The following MTUS1 variants were observed in gnomAD, a reference collection of about 807,000 sequenced individuals.
MTUS1 encodes the protein microtubule-associated tumor suppressor 1.
A neutral mutation model predicts 120.8 loss-of-function variants in MTUS1; 109 were observed. That is an observed-to-expected ratio of 0.90 (90% CI 0.77 to 1.06). MTUS1 has a LOEUF of 1.06. Among genes scored for constraint, MTUS1 ranks in the 50% least tolerant of loss-of-function variants. MTUS1 has a pLI of 0.00. For missense variants in MTUS1, 2,210 were observed against 1,486.3 expected, an observed-to-expected ratio of 1.49 and a Z score of -8.01; for synonymous variants, 737 against 550.5, an observed-to-expected ratio of 1.34 and a Z score of -4.74.
chr8:17,680,734 G>C (rs1358413108), intron 7 of MTUS1, among the ~76,000 whole-genome samples: 2 of 152,032 alleles, frequency 1.3e-5, no homozygotes, highest in Non-Finnish European at 2.9e-5. Context: ...TGTGTTTAGA[G>C]GCCAGGTTGC....
intron 6 of MTUS1, among the ~76,000 whole-genome samples, chr8:17,704,364 G>C (rs1200022589): frequency 6.6e-6 from 1 of 152,104 alleles, no homozygotes; most frequent in Non-Finnish European, 1.5e-5. Context: ...ATGACATGAA[G>C]TTTTGCCCCA....
intron 7 of MTUS1, among the ~76,000 whole-genome samples, chr8:17,680,151 A>C (rs563075693): frequency 6.6e-6 from 1 of 152,262 alleles, no homozygotes; most frequent in South Asian, 2.1e-4. Context: ...TAGATCTAGA[A>C]GGCCAGGAAA....
intron 12 of MTUS1, among the ~76,000 whole-genome samples, chr8:17,652,972 C>A (rs529989633): frequency 1.3e-5 from 2 of 152,114 alleles, no homozygotes; most frequent in South Asian, 2.1e-4. Flanking sequence ...CCACCAGAAA[C>A]ATCCTGGACT....
In MTUS1 at chr8:17,662,480, C is replaced by A. The variant is rs569079675; in HGVS notation, c.2906-6415G>T. On this transcript the variant is annotated intron_variant, in intron 8 of 14. Transcript: ENST00000693296. The stretch of plus-strand genomic sequence containing the variant: ...ATGCGATTCTCTTGCCACAGCCTCC[C>A]GAGTAGCTGGGACTACAGGTGCACA... Among the ~76,000 whole-genome samples, 4 of 151,342 alleles carry A rather than the reference C, an allele frequency of 2.6e-5. No homozygotes were observed. In the South Asian group the frequency reaches 8.4e-4, roughly 32 times the overall value.
chr8:17,715,690 G>T, intron 5 of MTUS1, 77 bp downstream of exon 5: 2 of 1,404,216 alleles, frequency 1.4e-6, no homozygotes, highest in Admixed American at 2.3e-5. Flanking sequence ...AAACCTAATT[G>T]TCAAAATTTA....
intron 6 of MTUS1, among the ~76,000 whole-genome samples, chr8:17,708,255 A>G (rs935187989): frequency 6.6e-6 from 1 of 152,264 alleles, no homozygotes; most frequent in Non-Finnish European, 1.5e-5. Context: ...CCTACAATTC[A>G]ACAATAAAAA....
In MTUS1 at chr8:17,682,517, C is replaced by CAAA. The variant is rs55901871; in HGVS notation, c.2838+1808_2838+1810dup. 1.5e-4 allele frequency among the ~76,000 whole-genome samples: 17 copies of CAAA among 114,950 alleles called. 3 individuals carry two copies. Among genetic ancestry groups the CAAA allele is most frequent in the East Asian group, 4.4e-4 (2 of 4,552 alleles). 75.4% of individuals were successfully genotyped at this position (114,950 alleles called of 152,430 possible). ...TGAGTGACAGAGCAAGACTCCATCC[C>CAAA]AAAAAAAAAAAAAAAAAAAAAAGTT... On this transcript the variant is annotated intron_variant, in intron 7 of 14. Transcript: ENST00000693296.
chr8:17,669,910 T>C (rs979597485), intron 8 of MTUS1, among the ~76,000 whole-genome samples: 7 of 152,214 alleles, frequency 4.6e-5, no homozygotes, highest in Admixed American at 1.3e-4. Flanking sequence ...GTACAGATCC[T>C]GGCCGCAAGT....
In MTUS1 at chr8:17,655,884, G is replaced by GT. The variant is rs1241382284; in HGVS notation, c.3086dup (p.Tyr1029Ter). The GT allele has an allele frequency of 6.2e-7, 1 of 1,614,178 alleles. No homozygotes were observed. The stretch of plus-strand genomic sequence containing the variant: ...AGACCTGCTCTTGCAATTGCATTTT[G>GT]TACTTCTCTGCTTCTTCAATGTAAG... ...RDTYIEEAEK[Y>*]KMQLQEQFDN... The change falls in exon 9 of 15, where the codon TAC (tyrosine) becomes TAAC (stop). Residue 1029 changes from tyrosine (Y) to a stop codon, truncating the protein, a stop_gained and frameshift_variant. Coordinates refer to ENST00000693296, the MANE Select transcript of MTUS1 (RefSeq NM_001363059.2). LOFTEE classifies it high-confidence loss of function.
At chr8:17,676,457 CG>C (rs1563182527) in intron 7 of MTUS1, 2 of 635,036 alleles carry the variant, frequency 3.1e-6, no homozygotes, top group African/African-American at 3.6e-5. Context: ...CATTGGCCCT[CG>C]GGCGTCTTAC....
rs535699123 is a variant in MTUS1 at position 17,661,410 on chromosome 8, G to C, written c.2906-5345C>G. ...TCATATCTGGGACAGAAACATCTAA[G>C]TGAACTCAGGGACTCAGCAATAAAC... On this transcript the variant is annotated intron_variant, in intron 8 of 14. Transcript: ENST00000693296. Among the ~76,000 whole-genome samples the C allele has an allele frequency of 3.3e-5, 5 of 152,310 alleles. No homozygotes were observed. In the East Asian group the frequency reaches 9.7e-4, roughly 29 times the overall value.
chr8:17,747,524 T>A (rs77160901), intron 2 of MTUS1, among the ~76,000 whole-genome samples: 6,691 of 152,222 alleles, frequency 0.044, 250 homozygotes, highest in East Asian at 0.18. Flanking sequence ...AAACCCCACC[T>A]TCAAGGCAAA....
At chr8:17,692,366 A>C (rs1199545680) in intron 6 of MTUS1, 1 of 152,070 alleles carries the variant, frequency 6.6e-6, no homozygotes, top group African/African-American at 2.4e-5. Context: ...CTGTGAGATC[A>C]TGAGGCAACA....
At chr8:17,751,433 C>G (rs2048179850) in intron 2 of MTUS1, among the ~76,000 whole-genome samples, 1 of 152,176 alleles carries the variant, frequency 6.6e-6, no homozygotes, top group Admixed American at 6.5e-5. Flanking sequence ...ATTCAGCTCT[C>G]TACAGTAAGT....
At chr8:17,744,049 G>T (rs757486603) in intron 2 of MTUS1, among the ~76,000 whole-genome samples, 2 of 152,128 alleles carry the variant, frequency 1.3e-5, no homozygotes, top group African/African-American at 2.4e-5. Context: ...ATAGCAAAAA[G>T]ACACTAAATT....
At chr8:17,783,654 A>C (rs532370396) in intron 1 of MTUS1, among the ~76,000 whole-genome samples, 1 of 152,298 alleles carries the variant, frequency 6.6e-6, no homozygotes, top group African/African-American at 2.4e-5. Context: ...CTGAGGCTCC[A>C]TGAAGACGGT....
At chr8:17,780,953 C>T (rs2050830522) in intron 1 of MTUS1, 2 of 152,318 alleles carry the variant, frequency 1.3e-5, no homozygotes, top group South Asian at 4.1e-4. Context: ...GATGACACAG[C>T]TTACACTTCA....
chr8:17,646,418 T>C (rs1805802214), intron 14 of MTUS1, among the ~76,000 whole-genome samples: 2 of 151,916 alleles, frequency 1.3e-5, no homozygotes, highest in Admixed American at 1.3e-4. Context: ...CGAAACTCTG[T>C]CTCTATTAAA....
chr8:17,765,678 C>CCACACACACACACA lies in MTUS1; in HGVS notation c.-154-9731_-154-9718dup, dbSNP rs60406848. Reference sequence around the variant, plus strand: ...CTTCACCATCATTAAAATACAGACACCACACACACACACACACACACACAC... The same window carrying CCACACACACACACA: ...CTTCACCATCATTAAAATACAGACACCACACACACACACACACACACACACACACACACACACAC... On this transcript the variant is annotated intron_variant, in intron 1 of 14. Coordinates refer to ENST00000693296, the MANE Select transcript of MTUS1 (RefSeq NM_001363059.2). 2.3e-3 allele frequency among the ~76,000 whole-genome samples: 300 copies of CCACACACACACACA among 130,156 alleles called. 1 individual carries two copies. Among genetic ancestry groups the CCACACACACACACA allele is most frequent in the South Asian group, 4.5e-3 (17 of 3,774 alleles). 85.4% of individuals were successfully genotyped at this position (130,156 alleles called of 152,430 possible). A position where few individuals can be genotyped will look rare whatever the true frequency, so the allele number is the denominator to read the frequency against.
Sources: allele counts gnomAD v4.1 joint callset (sites outside exome capture counted in the v4.1 genomes callset), GRCh38; gene constraint gnomAD v4.1.1; transcripts MANE v1.5; gene names NCBI Gene and HGNC (gene_info 2026-07-23, HGNC 2026-07-21).